QTMAN: variants seen among roughly 807,000 people sequenced by gnomAD.
The protein encoded by QTMAN is queuosine-tRNA mannosyltransferase, also known as tRNA-queuosine alpha-mannosyltransferase.
chr2:144,184,978 T>A, the QTMAN span, among the ~76,000 whole-genome samples: 5 of 152,158 alleles, frequency 3.3e-5, no homozygotes, highest in Non-Finnish European at 7.4e-5. Flanking sequence ...CTTTTTCAAC[T>A]GTAAAAAAGG....
the QTMAN span, among the ~76,000 whole-genome samples, chr2:144,216,545 C>T: frequency 2.6e-5 from 4 of 152,142 alleles, no homozygotes; most frequent in Non-Finnish European, 5.9e-5. Flanking sequence ...TCCTATTATT[C>T]CTGAAGTCTA....
chr2:144,317,154 T>A, the QTMAN span, among the ~76,000 whole-genome samples: 1 of 152,146 alleles, frequency 6.6e-6, no homozygotes, highest in East Asian at 1.9e-4. Context: ...CACATTTAGA[T>A]CTCATTCTCC....
At chr2:143,950,355 A>T in the QTMAN span, among the ~76,000 whole-genome samples, 1 of 151,748 alleles carries the variant, frequency 6.6e-6, no homozygotes, top group Non-Finnish European at 1.5e-5. Flanking sequence ...AAATAATTAT[A>T]GCTATGTTAT....
the QTMAN span, among the ~76,000 whole-genome samples, chr2:144,314,307 A>C: frequency 6.6e-6 from 1 of 152,198 alleles, no homozygotes; most frequent in Non-Finnish European, 1.5e-5. Flanking sequence ...TATATACTCT[A>C]TCATCTCATA....
chr2:144,010,526 A>G, the QTMAN span, among the ~76,000 whole-genome samples: 7 of 152,104 alleles, frequency 4.6e-5, no homozygotes, highest in Non-Finnish European at 8.8e-5. Flanking sequence ...TGAATTGGAC[A>G]AGATGAGCAA....
the QTMAN span, chr2:143,963,975 A>G: frequency 1.3e-5 from 2 of 152,172 alleles, no homozygotes; most frequent in African/African-American, 4.8e-5. Context: ...CTTCAAATGC[A>G]TGCTACTAAA....
the QTMAN span, among the ~76,000 whole-genome samples, chr2:144,049,219 T>C: frequency 6.6e-6 from 1 of 152,214 alleles, no homozygotes; most frequent in East Asian, 1.9e-4. Flanking sequence ...GACAAGTCAA[T>C]TTACACCAAA....
At chr2:143,998,904 A>C in the QTMAN span, among the ~76,000 whole-genome samples, 1 of 152,072 alleles carries the variant, frequency 6.6e-6, no homozygotes, top group Non-Finnish European at 1.5e-5. Flanking sequence ...TGATCACATG[A>C]CCGTGTCTAT....
At chr2:144,049,741 TTCAGAA>T in the QTMAN span, among the ~76,000 whole-genome samples, 4 of 152,174 alleles carry the variant, frequency 2.6e-5, no homozygotes, top group African/African-American at 7.2e-5. Flanking sequence ...GGGGTTCCCA[TTCAGAA>T]TAGAGTCATA....
the QTMAN span, among the ~76,000 whole-genome samples, chr2:143,998,089 G>A: frequency 3.7e-3 from 559 of 151,978 alleles, 7 homozygotes; most frequent in African/African-American, 0.013. Flanking sequence ...GCTCCCCACC[G>A]CCTCTTTTGG....
At chr2:144,267,733 T>C in the QTMAN span, among the ~76,000 whole-genome samples, 2 of 152,152 alleles carry the variant, frequency 1.3e-5, no homozygotes, top group Non-Finnish European at 2.9e-5. Flanking sequence ...ATTTAAGTAG[T>C]AAAACAGATG....
At chr2:144,256,921 T>C in the QTMAN span, among the ~76,000 whole-genome samples, 1 of 151,862 alleles carries the variant, frequency 6.6e-6, no homozygotes, top group Non-Finnish European at 1.5e-5. Flanking sequence ...GTAAATACAC[T>C]AAATATTAAA....
chr2:144,239,150 C>T, the QTMAN span, among the ~76,000 whole-genome samples: 2 of 142,992 alleles, frequency 1.4e-5, no homozygotes, highest in Non-Finnish European at 3.0e-5. Context: ...GACAGATATA[C>T]GCACTGTTAA....
the QTMAN span, among the ~76,000 whole-genome samples, chr2:144,031,758 T>C: frequency 6.6e-6 from 1 of 152,008 alleles, no homozygotes; most frequent in African/African-American, 2.4e-5. Flanking sequence ...GATTACTTCT[T>C]CTTCTTCTTT....
the QTMAN span, among the ~76,000 whole-genome samples, chr2:144,244,154 G>C: frequency 2.0e-5 from 3 of 152,136 alleles, no homozygotes; most frequent in African/African-American, 7.2e-5. Flanking sequence ...TTTGGGCTCA[G>C]GGTTCCCATC....
the QTMAN span, among the ~76,000 whole-genome samples, chr2:144,233,477 G>T: frequency 1.3e-5 from 2 of 152,184 alleles, no homozygotes; most frequent in African/African-American, 4.8e-5. Context: ...TGGTGTAAGT[G>T]GGAAAGACTA....
the QTMAN span, among the ~76,000 whole-genome samples, chr2:144,099,726 T>A: frequency 2.0e-5 from 3 of 152,206 alleles, no homozygotes; most frequent in Non-Finnish European, 4.4e-5. Flanking sequence ...CCAGTTGGAA[T>A]TTCCTCTCTG....
At chr2:144,143,763 T>C in the QTMAN span, among the ~76,000 whole-genome samples, 1 of 152,084 alleles carries the variant, frequency 6.6e-6, no homozygotes, top group South Asian at 2.1e-4. Flanking sequence ...GGTCATAATA[T>C]ATAGTTGTGA....
the QTMAN span, among the ~76,000 whole-genome samples, chr2:144,204,103 A>G: frequency 6.6e-6 from 1 of 152,312 alleles, no homozygotes; most frequent in African/African-American, 2.4e-5. Flanking sequence ...CTTCATGTCT[A>G]AAACACCAAA....
Sources: allele counts gnomAD v4.1 joint callset (sites outside exome capture counted in the v4.1 genomes callset), GRCh38; gene constraint gnomAD v4.1.1; transcripts MANE v1.5; gene names NCBI Gene and HGNC (gene_info 2026-07-23, HGNC 2026-07-21).